The following KMT2B variants were observed in gnomAD, a reference collection of about 807,000 sequenced individuals.
KMT2B encodes the protein lysine methyltransferase 2B, also known as histone-lysine N-methyltransferase 2B.
In KMT2B, 22 loss-of-function variants were observed where a neutral mutation model predicts 255.3. The observed-to-expected ratio is 0.09, with a 90% CI of 0.06 to 0.12. The LOEUF (loss-of-function observed/expected upper bound fraction) is 0.12, where lower values mean the gene tolerates loss of function less well. Ranked by LOEUF, KMT2B falls within the 10% of genes least tolerant of loss-of-function variation. The pLI, the probability that KMT2B is intolerant of heterozygous loss-of-function variation, is 1.00. For synonymous variants in KMT2B, 1,730 were observed against 1,498.1 expected, an observed-to-expected ratio of 1.15 and a Z score of -3.57; for missense variants, 3,149 against 3,737.0, an observed-to-expected ratio of 0.84 and a Z score of 4.10.
rs1969443503 is a variant in KMT2B at position 35,726,373 on chromosome 19, A to T, written c.4003+20A>T. ...AGAAAGGTGGGGACCGGGCAGGGGA[A>T]CTGGATGCTGGGGGCCACAGGGGAA... is the stretch of plus-strand genomic sequence containing the variant. On this transcript the variant is annotated intron_variant, in intron 14 of 36. Coordinates refer to ENST00000420124, the MANE Select transcript of KMT2B (RefSeq NM_014727.3). The T allele has an allele frequency of 6.5e-7, 1 of 1,537,256 alleles. No homozygotes were observed. The highest frequency in any genetic ancestry group is 9.0e-7 in the Non-Finnish European group (1 of 1,110,284).
Position 35,721,167 on chromosome 19 carries a change from C to A in KMT2B, c.1820C>A (p.Pro607His). 6.4e-7 allele frequency: 1 copy of A among 1,572,288 alleles called. No homozygotes were observed. The highest frequency in any genetic ancestry group is 8.6e-7 in the Non-Finnish European group (1 of 1,160,142). ...AAGAGACGGTCCATCCTAAGGGAACCCACATTTCGCTGGACCTCACTGACC... is the reference window on the plus strand; with the variant it reads ...AAGAGACGGTCCATCCTAAGGGAACACACATTTCGCTGGACCTCACTGACC... ...PEKRRSILRE[P>H]TFRWTSLTRE... The change falls in exon 3 of 37, where the codon CCC becomes CAC. Residue 607 changes from proline to histidine, a missense_variant. Transcript: ENST00000420124.
chr19:35,725,718 A>G lies in KMT2B; in HGVS notation c.3790-5A>G. Reference sequence around the variant, plus strand: ...TTTCGCCATCTCTGTCTCCACATCCAACAGCACCTCCTGGAGTGCGAGCGC... The same window carrying G: ...TTTCGCCATCTCTGTCTCCACATCCGACAGCACCTCCTGGAGTGCGAGCGC... On this transcript the variant is annotated splice_region_variant and splice_polypyrimidine_tract_variant and intron_variant, in intron 12 of 36. Coordinates refer to ENST00000420124, the MANE Select transcript of KMT2B (RefSeq NM_014727.3). This position sits in a 1 kb window ranked among gnomAD's most constrained non-coding sequence, Gnocchi z 4.1. The G allele has an allele frequency of 6.2e-7, 1 of 1,612,216 alleles. No homozygotes were observed. Among genetic ancestry groups the G allele is most frequent in the East Asian group, 2.2e-5 (1 of 44,832 alleles).
In KMT2B at chr19:35,718,483, G is replaced by C. The variant is rs1969046997; in HGVS notation, c.363+102G>C. The C allele has an allele frequency of 2.6e-6, 3 of 1,171,948 alleles. No homozygotes were observed. The highest frequency in any genetic ancestry group is 3.2e-6 in the Non-Finnish European group (3 of 939,698). 72.6% of individuals were successfully genotyped at this position (1,171,948 alleles called of 1,614,324 possible). On this transcript the variant is annotated intron_variant, in intron 1 of 36. Transcript: ENST00000420124. The surrounding 1 kb of genome is among the most constrained non-coding windows in gnomAD (Gnocchi z 5.0). The stretch of plus-strand genomic sequence containing the variant: ...GCGGCGTGGGCAGGCCGGGTCCTCA[G>C]GGTTCCTTCGGAGAGACGGGGCACG...
At position 35,719,489 on chromosome 19, in the gene KMT2B, A is replaced by G; in HGVS notation, c.384A>G (p.Ser128=). Residue 128 remains serine (S), a synonymous_variant, in exon 2 of 37, where the codon TCA becomes TCG. Coordinates refer to ENST00000420124, the MANE Select transcript of KMT2B (RefSeq NM_014727.3). ...SDEEEFQGFH[S]DEDVAPSSLR... ...ATCAGGAGTTTCAGGGTTTTCATTC[A>G]GATGAAGATGTGGCCCCCAGTTCCC... 1 of 1,588,350 alleles carries G rather than the reference A, an allele frequency of 6.3e-7. No homozygotes were observed. Among genetic ancestry groups the G allele is most frequent in the Non-Finnish European group, 8.6e-7 (1 of 1,167,478 alleles).
chr19:35,727,529 G>C lies in KMT2B; in HGVS notation c.4209G>C (p.Glu1403Asp). 6.2e-7 allele frequency: 1 copy of C among 1,609,436 alleles called. No homozygotes were observed. The highest frequency in any genetic ancestry group is 8.5e-7 in the Non-Finnish European group (1 of 1,179,574). ...GGGCAGCGCAGCCCCGCTGGCGAGA[G>C]GCCCTGAGCGGGGCCCTCCAGGGGG... ...CAGAAQPRWR[E>D]ALSGALQGGL... The change falls in exon 16 of 37, where the codon GAG becomes GAC. Residue 1403 changes from glutamate (E) to aspartate (D), a missense_variant. Around this residue, in one of 18 missense-constraint regions of KMT2B, gnomAD observed 377 missense variants for 471.0 expected, o/e 0.80. Coordinates refer to ENST00000420124, the MANE Select transcript of KMT2B (RefSeq NM_014727.3). The surrounding 1 kb of genome is among the most constrained non-coding windows in gnomAD (Gnocchi z 4.2).
chr19:35,736,806 G>A lies in KMT2B; in HGVS notation c.7276G>A (p.Val2426Ile), dbSNP rs1454808380. The change falls in exon 31 of 37, where the codon GTT becomes ATT. Residue 2426 changes from valine to isoleucine, a missense_variant. Around this residue, in one of 18 missense-constraint regions of KMT2B, gnomAD observed 103 missense variants for 200.7 expected, o/e 0.51. Transcript: ENST00000420124. ...GATCAGCAGTGAGGATGGGTTCAGC[G>A]TTGAGGCAGAGAGCTTGGAGGGTGA... ...FEISSEDGFS[V>I]EAESLEGAWR... 20 of 1,613,902 alleles carry A rather than the reference G, an allele frequency of 1.2e-5. No homozygotes were observed. The highest frequency in any genetic ancestry group is 3.3e-5 in the Admixed American group (2 of 60,012).
intron 14 of KMT2B, among the ~76,000 whole-genome samples, chr19:35,726,770 G>C (rs1410557814): frequency 6.6e-6 from 1 of 152,122 alleles, no homozygotes; most frequent in African/African-American, 2.4e-5. Flanking sequence ...GATCACCTGA[G>C]GTGAGGAGTT....
rs749276998 is a variant in KMT2B, at chr19:35,723,320, T to G, written c.3002+46T>G. 9 of 1,589,896 alleles carry G rather than the reference T, an allele frequency of 5.7e-6. No homozygotes were observed. Among genetic ancestry groups the G allele is most frequent in the Non-Finnish European group, 7.7e-6 (9 of 1,164,922 alleles). ...CTCATTCCCGTGGTTGTTGGTCCCCTAGGCTTCCTACCTCACTCCTCTTCT... is the reference window on the plus strand; with the variant it reads ...CTCATTCCCGTGGTTGTTGGTCCCCGAGGCTTCCTACCTCACTCCTCTTCT... On this transcript the variant is annotated intron_variant, in intron 6 of 36. Coordinates refer to ENST00000420124, the MANE Select transcript of KMT2B (RefSeq NM_014727.3). This position sits in a 1 kb window ranked among gnomAD's most constrained non-coding sequence, Gnocchi z 7.5.
chr19:35,736,553 G>A (rs1568384630), intron 30 of KMT2B, 137 bp from the exon 31 acceptor site: 7 of 992,652 alleles, frequency 7.1e-6, no homozygotes, highest in Admixed American at 2.5e-5. Context: ...TGGAGCAGAA[G>A]GAGGGCCATT....
Position 35,723,335 on chromosome 19 carries a change from A to G in KMT2B, c.3002+61A>G, listed in dbSNP as rs2146444959. Reference sequence around the variant, plus strand: ...GTTGGTCCCCTAGGCTTCCTACCTCACTCCTCTTCTGCCTGGCCAGAGCAG... The same window carrying G: ...GTTGGTCCCCTAGGCTTCCTACCTCGCTCCTCTTCTGCCTGGCCAGAGCAG... On this transcript the variant is annotated intron_variant, in intron 6 of 36. Transcript: ENST00000420124. The surrounding 1 kb of genome is among the most constrained non-coding windows in gnomAD (Gnocchi z 7.5). 1 of 1,572,394 alleles carries G rather than the reference A, an allele frequency of 6.4e-7. No individual in the cohort carries two copies. The highest frequency in any genetic ancestry group is 8.7e-7 in the Non-Finnish European group (1 of 1,155,050).
In KMT2B at chr19:35,738,074, C is replaced by T. The variant is rs562759628; in HGVS notation, c.7755C>T (p.His2585=). ...EAVGVYRSAI[H]GRGLFCKRNI... ...TCCTGCCCTGCAGATCAGCCATCCA[C>T]GGGCGAGGCCTGTTCTGTAAGCGCA... Residue 2585 remains histidine (H), a synonymous_variant, in exon 36 of 37, where the codon CAC becomes CAT. Coordinates refer to ENST00000420124, the MANE Select transcript of KMT2B (RefSeq NM_014727.3). The surrounding 1 kb of genome is among the most constrained non-coding windows in gnomAD (Gnocchi z 8.7). 20 of 1,613,724 alleles carry T rather than the reference C, an allele frequency of 1.2e-5. No homozygotes were observed. Among genetic ancestry groups the T allele is most frequent in the East Asian group, 1.1e-4 (5 of 44,890 alleles).
rs777386949 is a variant in KMT2B at position 35,721,412 on chromosome 19, G to C, written c.2065G>C (p.Ala689Pro). The C allele has an allele frequency of 6.2e-7, 1 of 1,611,052 alleles. No homozygotes were observed. The highest frequency in any genetic ancestry group is 8.5e-7 in the Non-Finnish European group (1 of 1,179,292). The change falls in exon 3 of 37, where the codon GCT becomes CCT. Residue 689 changes from alanine (A) to proline (P), a missense_variant. Around this residue, in one of 18 missense-constraint regions of KMT2B, gnomAD observed 1,188 missense variants for 1,106.4 expected, o/e 1.07. Transcript: ENST00000420124. Reference protein sequence around the residue: ...PEPPPADDSPAEPEPRAVGRT... With the variant: ...PEPPPADDSPPEPEPRAVGRT... The stretch of plus-strand genomic sequence containing the variant: ...GCCTCCTCCTGCCGATGACTCTCCA[G>C]CTGAGCCTGAGCCTCGGGCAGTGGG...
Position 35,738,007 on chromosome 19 carries a change from C to G in KMT2B, c.7743-55C>G, listed in dbSNP as rs1969988608. The G allele has an allele frequency of 6.8e-6, 11 of 1,612,538 alleles. No homozygotes were observed. The South Asian group carries it at 1.2e-4, about 18-fold the overall frequency. ...GGACAGGTGCACTGGGTAGGGGGTA[C>G]TGTCTGGTTTCTGTCCCCCTCCCCC... On this transcript the variant is annotated intron_variant, in intron 35 of 36. Transcript: ENST00000420124. This position sits in a 1 kb window ranked among gnomAD's most constrained non-coding sequence, Gnocchi z 8.7.
At chr19:35,731,487 T>G (rs1969689417) in intron 26 of KMT2B, among the ~76,000 whole-genome samples, 1 of 151,960 alleles carries the variant, frequency 6.6e-6, no homozygotes, top group Non-Finnish European at 1.5e-5. Flanking sequence ...CAGGGAGTTT[T>G]GGGTGGAGGA....
chr19:35,732,172 G>T (rs141894666), intron 27 of KMT2B, 37 bp downstream of exon 27: 1 of 1,567,382 alleles, frequency 6.4e-7, no homozygotes, highest in African/African-American at 1.4e-5. Context: ...GGGTGGAGCC[G>T]CGGAGGTGGG....
rs1412263802 is a variant in KMT2B, at chr19:35,733,518, G to A, written c.6959+10G>A. 1 of 1,553,432 alleles carries A rather than the reference G, an allele frequency of 6.4e-7. No individual in the cohort carries two copies. The highest frequency in any genetic ancestry group is 1.2e-5 in the South Asian group (1 of 84,294). ...GGCTTGGCAGTGGCGGGTGAGTGCGGGTGCTGAGGCTGGCAGAGCAGGCAA... is the reference window on the plus strand; with the variant it reads ...GGCTTGGCAGTGGCGGGTGAGTGCGAGTGCTGAGGCTGGCAGAGCAGGCAA... On this transcript the variant is annotated intron_variant, in intron 28 of 36. Coordinates refer to ENST00000420124, the MANE Select transcript of KMT2B (RefSeq NM_014727.3). This position sits in a 1 kb window ranked among gnomAD's most constrained non-coding sequence, Gnocchi z 4.3.
At position 35,732,336 on chromosome 19, in the gene KMT2B, C is replaced by T. The variant is rs773981245; in HGVS notation, c.5787C>T (p.Ala1929=). 60 of 1,611,194 alleles carry T rather than the reference C, an allele frequency of 3.7e-5. No individual in the cohort carries two copies. The highest frequency in any genetic ancestry group is 1.6e-4 in the Middle Eastern group (1 of 6,076). Residue 1929 remains alanine (A), a synonymous_variant, in exon 28 of 37, where the codon GCC becomes GCT. Transcript: ENST00000420124. ...LAPRPPPSRW[A]SPPLKTSPQL... Reference sequence around the variant, plus strand: ...CCAGGCCGCCTCCATCACGGTGGGCCTCCCCTCCTCTAAAAACCTCCCCTC... The same window carrying T: ...CCAGGCCGCCTCCATCACGGTGGGCTTCCCCTCCTCTAAAAACCTCCCCTC...
In KMT2B at chr19:35,723,119, C is replaced by T; in HGVS notation, c.2847C>T (p.Pro949=). The change falls in exon 6 of 37, where the codon CCC becomes CCT. Residue 949 remains proline (P), a synonymous_variant. Coordinates refer to ENST00000420124, the MANE Select transcript of KMT2B (RefSeq NM_014727.3). The surrounding 1 kb of genome is among the most constrained non-coding windows in gnomAD (Gnocchi z 7.5). ...TGSGGTLAHT[P]RRSLPSHHGK... is the part of the protein sequence containing the mutation. ...CTGGAGGGACCCTGGCCCACACACC[C>T]CGGCGCTCACTGCCCTCCCATCACG... 2 of 1,613,470 alleles carry T rather than the reference C, an allele frequency of 1.2e-6. No homozygotes were observed. Among genetic ancestry groups the T allele is most frequent in the African/African-American group, 1.3e-5 (1 of 75,032 alleles).
At position 35,725,012 on chromosome 19, in the gene KMT2B, T is replaced by C. The variant is rs1471223482; in HGVS notation, c.3453T>C (p.Phe1151=). 1.9e-6 allele frequency: 3 copies of C among 1,613,438 alleles called. No individual in the cohort carries two copies. The highest frequency in any genetic ancestry group is 2.5e-6 in the Non-Finnish European group (3 of 1,179,524). The part of the protein sequence containing the change: ...LDKDALAPGP[F]ASFPNGWTGK... ...AGGATGCTTTGGCCCCTGGCCCCTTTGCTTCTTTTCCCAATGGCTGGACTG... is the reference window on the plus strand; with the variant it reads ...AGGATGCTTTGGCCCCTGGCCCCTTCGCTTCTTTTCCCAATGGCTGGACTG... The change falls in exon 10 of 37, where the codon TTT becomes TTC. Residue 1151 remains phenylalanine, a synonymous_variant. Coordinates refer to ENST00000420124, the MANE Select transcript of KMT2B (RefSeq NM_014727.3). The surrounding 1 kb of genome is among the most constrained non-coding windows in gnomAD (Gnocchi z 4.1).
Sources: gnomAD v4.1 joint callset for allele counts (sites outside exome capture counted in the v4.1 genomes callset) on GRCh38, gnomAD v4.1.1 for gene constraint, gnomAD v4.1.1 regional missense constraint, Gnocchi (gnomAD v3.1) non-coding constraint, MANE v1.5 for transcripts, NCBI Gene and HGNC (gene_info 2026-07-23, HGNC 2026-07-21) for gene names.